Variants in PC observed in about 807,000 individuals in gnomAD.
PC encodes the protein pyruvate carboxylase.
In PC, 46 loss-of-function variants were observed where a neutral mutation model predicts 107.8. The ratio of observed to expected loss-of-function variants is 0.43; its 90% confidence interval spans 0.34 to 0.55. The LOEUF (loss-of-function observed/expected upper bound fraction) is 0.55. PC is among the 20% of genes least tolerant of loss of function. The probability of loss-of-function intolerance (pLI) is 0.04; values close to 1 mark genes in which losing one functional copy is unlikely to be tolerated. For missense variants in PC, 1,241 were observed against 1,643.1 expected (o/e 0.76, Z 4.23); for synonymous variants, 662 against 684.7 (o/e 0.97, Z 0.52).
At chr11:66,909,591 C>T (rs1267362751) in intron 3 of PC, among the ~76,000 whole-genome samples, 3 of 152,220 alleles carry the variant, frequency 2.0e-5, no homozygotes, top group Non-Finnish European at 4.4e-5. Context: ...CTGCCTGAGT[C>T]TCCATCAGCA....
At position 66,906,055 on chromosome 11, in the gene PC, C is replaced by T. The variant is rs191461925; in HGVS notation, c.1-33896G>A. Among the ~76,000 whole-genome samples the T allele has an allele frequency of 6.4e-5, 9 of 141,060 alleles. No homozygotes were observed. In the East Asian group the frequency reaches 7.6e-4, roughly 12 times the overall value. 92.5% of individuals were successfully genotyped at this position (141,060 alleles called of 152,430 possible). A position where few individuals can be genotyped will look rare whatever the true frequency, so the allele number is the denominator to read the frequency against. ...AAGAGAAGTTTCAGGCAGAGGTGGG[C>T]GGGCGGGGAGCCTGCAGTAACATGA... On this transcript the variant is annotated intron_variant, in intron 3 of 22. Coordinates refer to ENST00000393960, the MANE Select transcript of PC (RefSeq NM_001040716.2).
At position 66,866,149 on chromosome 11, in the gene PC, G is replaced by C; in HGVS notation, c.1185+38C>G. On this transcript the variant is annotated intron_variant, in intron 11 of 22. Coordinates refer to ENST00000393960, the MANE Select transcript of PC (RefSeq NM_001040716.2). This position sits in a 1 kb window ranked among gnomAD's most constrained non-coding sequence, Gnocchi z 5.4. ...AGGCACCAGGCAGAACCTGTGCACA[G>C]GTGAGCTGGCATCTCCCTCTGCTCG... is the stretch of plus-strand genomic sequence containing the variant. The C allele has an allele frequency of 6.3e-7, 1 of 1,596,852 alleles. No homozygotes were observed. The highest frequency in any genetic ancestry group is 1.1e-5 in the South Asian group (1 of 90,446).
At chr11:66,869,759 G>A (rs1374837746) in intron 9 of PC, among the ~76,000 whole-genome samples, 1 of 152,200 alleles carries the variant, frequency 6.6e-6, no homozygotes, top group Non-Finnish European at 1.5e-5. Flanking sequence ...CTCCAGGCCA[G>A]TCCTGGGGCA....
At chr11:66,943,048 G>A (rs1949186218) in intron 3 of PC, among the ~76,000 whole-genome samples, 1 of 151,780 alleles carries the variant, frequency 6.6e-6, no homozygotes, top group Admixed American at 6.6e-5. Context: ...AATATCAGGT[G>A]TACATAATAC....
chr11:66,948,074 G>A (rs1456477166), intron 3 of PC, among the ~76,000 whole-genome samples: 8 of 148,496 alleles, frequency 5.4e-5, no homozygotes, highest in African/African-American at 1.7e-4. Context: ...TATGCCAGGC[G>A]TAGTGGCACA....
intron 3 of PC, among the ~76,000 whole-genome samples, chr11:66,919,459 T>C (rs1358212240): frequency 1.3e-5 from 2 of 152,140 alleles, no homozygotes; most frequent in African/African-American, 4.8e-5. Flanking sequence ...TTAAAGAATA[T>C]TTTTGCAGAG....
At position 66,852,495 on chromosome 11, in the gene PC, A is replaced by G; in HGVS notation, c.1769T>C (p.Ile590Thr). Residue 590 changes from isoleucine to threonine, a missense_variant, in exon 15 of 23, where the codon ATC becomes ACC. Physicochemically the swap from Ile to Thr is moderately conservative, Grantham distance 89. This residue lies in a region of PC where 1,143 missense variants were observed against 1,551.9 expected (regional missense o/e 0.74). Transcript: ENST00000393960. The surrounding 1 kb of genome is among the most constrained non-coding windows in gnomAD (Gnocchi z 4.7). Reference protein sequence around the residue: ...TRVRTHDLKKIAPYVAHNFSK... With the variant: ...TRVRTHDLKKTAPYVAHNFSK... ...GAAGTTGTGGGCAACATAGGGGGCGATCTTTTTGAGATCGTGGGTGCGCAC... is the reference window on the plus strand; with the variant it reads ...GAAGTTGTGGGCAACATAGGGGGCGGTCTTTTTGAGATCGTGGGTGCGCAC... The G allele has an allele frequency of 6.2e-7, 1 of 1,614,040 alleles. No individual in the cohort carries two copies. The highest frequency in any genetic ancestry group is 8.5e-7 in the Non-Finnish European group (1 of 1,180,014).
chr11:66,887,372 T>C lies in PC; in HGVS notation c.1-15213A>G, dbSNP rs115532244. Among the ~76,000 whole-genome samples the C allele has an allele frequency of 6.0e-3, 917 of 152,202 alleles. 8 individuals carry two copies. The highest frequency in any genetic ancestry group is 0.021 in the African/African-American group (859 of 41,516). On this transcript the variant is annotated intron_variant, in intron 3 of 22. Transcript: ENST00000393960. ...AGGAACATTGAGGAGAAAAGTAATA[T>C]AGAGAACAGATACTCAGAAAAACTA...
rs745308844 is a variant in PC at position 66,857,710 on chromosome 11, C to A, written c.1369-4327G>T. ...GGCACCTGCGCCAGCCCCACCTGTGCCTGGGCTGTGGCCCCTTCCTACAGG... is the reference window on the plus strand; with the variant it reads ...GGCACCTGCGCCAGCCCCACCTGTGACTGGGCTGTGGCCCCTTCCTACAGG... On this transcript the variant is annotated intron_variant, in intron 12 of 22. Coordinates refer to ENST00000393960, the MANE Select transcript of PC (RefSeq NM_001040716.2). This position sits in a 1 kb window ranked among gnomAD's most constrained non-coding sequence, Gnocchi z 7.1. 3.8e-6 allele frequency: 6 copies of A among 1,564,216 alleles called. No individual in the cohort carries two copies. Among genetic ancestry groups the A allele is most frequent in the Admixed American group, 1.7e-5 (1 of 58,006 alleles).
In PC at chr11:66,863,952, A is replaced by C; in HGVS notation, c.1190T>G (p.Phe397Cys). ...GATGCCCATGCCCTCTCCGCTCCGG[A>C]ACACCTGTGGGAAGGGTGAGGCGTG... ...FQPDTGRIEVFRSGEGMGIRL... is the reference protein window; with the variant it reads ...FQPDTGRIEVCRSGEGMGIRL... The change falls in exon 12 of 23, where the codon TTC becomes TGC. Residue 397 changes from phenylalanine (F) to cysteine (C), a missense_variant. Physicochemically the swap from Phe to Cys is radical, Grantham distance 205 (BLOSUM62 -2). Transcript: ENST00000393960. The C allele has an allele frequency of 1.2e-6, 2 of 1,613,754 alleles. No individual in the cohort carries two copies. The highest frequency in any genetic ancestry group is 2.2e-5 in the South Asian group (2 of 91,076).
At chr11:66,873,730 C>G (rs938599247) in intron 3 of PC, among the ~76,000 whole-genome samples, 2 of 150,102 alleles carry the variant, frequency 1.3e-5, no homozygotes, top group African/African-American at 4.9e-5. Flanking sequence ...CAGACACACT[C>G]TTTTCACCCC....
chr11:66,901,401 C>T (rs1947952166), intron 3 of PC, among the ~76,000 whole-genome samples: 1 of 152,216 alleles, frequency 6.6e-6, no homozygotes, highest in African/African-American at 2.4e-5. Flanking sequence ...TGTCTTGTCG[C>T]TATGACAGTT....
At chr11:66,873,432 ATTATATATT>A (rs2135950288) in intron 3 of PC, among the ~76,000 whole-genome samples, 1 of 84,438 alleles carries the variant, frequency 1.2e-5, no homozygotes, top group South Asian at 2.5e-4. Context: ...TATTATATAT[ATTATATATT>A]ATATTATATA....
intron 3 of PC, among the ~76,000 whole-genome samples, chr11:66,905,883 C>T: frequency 6.6e-6 from 1 of 152,134 alleles, no homozygotes; most frequent in East Asian, 1.9e-4. Flanking sequence ...GGCATCACCA[C>T]TCACCTGCTT....
chr11:66,873,966 C>CT (rs1247452990), intron 3 of PC, among the ~76,000 whole-genome samples: 1,542 of 143,842 alleles, frequency 0.011, 26 homozygotes, highest in African/African-American at 0.034. Context: ...TTTCTTTTTT[C>CT]TTTTTTTTTT....
chr11:66,893,107 TCCAGCTGCA>T (rs1947633766), intron 3 of PC, among the ~76,000 whole-genome samples: 1 of 152,182 alleles, frequency 6.6e-6, no homozygotes, highest in African/African-American at 2.4e-5. Flanking sequence ...GATTCTGCTG[TCCAGCTGCA>T]CCGTGTCAGT....
At chr11:66,897,664 C>T (rs892187419) in intron 3 of PC, among the ~76,000 whole-genome samples, 1 of 152,188 alleles carries the variant, frequency 6.6e-6, no homozygotes, top group African/African-American at 2.4e-5. Context: ...CCTGAGGAAG[C>T]CTTCCCCGGT....
rs191266210 is a variant in PC at position 66,910,992 on chromosome 11, A to C, written c.1-38833T>G. Among the ~76,000 whole-genome samples the C allele has an allele frequency of 1.8e-4, 27 of 152,336 alleles. No homozygotes were observed. The East Asian group carries it at 4.8e-3, about 27-fold the overall frequency. ...TAACCTTCTGAACTTTAGTTTCCTG[A>C]TCTATAAAATGCAGAATGATCTGAG... On this transcript the variant is annotated intron_variant, in intron 3 of 22. Coordinates refer to ENST00000393960, the MANE Select transcript of PC (RefSeq NM_001040716.2).
chr11:66,948,014 GATA>G (rs1949343351), intron 3 of PC, among the ~76,000 whole-genome samples: 3 of 46,682 alleles, frequency 6.4e-5, no homozygotes, highest in East Asian at 1.1e-3. Flanking sequence ...CTCTACTAAA[GATA>G]GATAGATAGA....
Sources: allele counts gnomAD v4.1 joint callset (sites outside exome capture counted in the v4.1 genomes callset), GRCh38; gene constraint gnomAD v4.1.1; regional missense constraint gnomAD v4.1.1; non-coding constraint Gnocchi (gnomAD v3.1); transcripts MANE v1.5; gene names NCBI Gene and HGNC (gene_info 2026-07-23, HGNC 2026-07-21).